CDKAL1: variants seen among roughly 807,000 people sequenced by gnomAD.
The protein encoded by CDKAL1 is CDKAL1 threonylcarbamoyladenosine tRNA methylthiotransferase, also known as threonylcarbamoyladenosine tRNA methylthiotransferase.
CDKAL1 carries 32 observed loss-of-function variants against 68.2 expected under a neutral mutation model. The ratio of observed to expected loss-of-function variants is 0.47; its 90% CI spans 0.35 to 0.63. The LOEUF is 0.63. Among genes scored for constraint, CDKAL1 ranks in the 30% least tolerant of loss-of-function variants. The pLI is 0.00. For missense variants in CDKAL1, 606 were observed against 696.7 expected, an observed-to-expected ratio of 0.87 and a Z score of 1.47; for synonymous variants, 234 against 244.3, an observed-to-expected ratio of 0.96 and a Z score of 0.39.
intron 4 of CDKAL1, among the ~76,000 whole-genome samples, chr6:20,611,994 C>T (rs776597342): frequency 3.9e-5 from 6 of 152,212 alleles, no homozygotes; most frequent in Non-Finnish European, 5.9e-5. Context: ...TGAGTGACAA[C>T]ATGCAAAATT....
At chr6:20,952,494 C>T (rs1303614208) in intron 9 of CDKAL1, among the ~76,000 whole-genome samples, 1 of 152,124 alleles carries the variant, frequency 6.6e-6, no homozygotes, top group Non-Finnish European at 1.5e-5. Flanking sequence ...CTTGCCAGCT[C>T]TTAGCTAATA....
At chr6:21,203,380 G>C (rs1027870478) in intron 15 of CDKAL1, among the ~76,000 whole-genome samples, 4 of 151,412 alleles carry the variant, frequency 2.6e-5, no homozygotes, top group Non-Finnish European at 5.9e-5. Flanking sequence ...GGAATTACAG[G>C]CATGTGCCAC....
rs150114884 is a variant in CDKAL1 at position 20,783,769 on chromosome 6, G to C, written c.638+2504G>C. Among the ~76,000 whole-genome samples, 743 of 152,272 alleles carry C rather than the reference G, an allele frequency of 4.9e-3. 28 individuals carry two copies. The highest frequency in any genetic ancestry group is 0.04 in the Admixed American group (612 of 15,300). ...CCACTACAATGTAAGCTCCTTGGGGGCTGAATGTGTTTCAGTTGTCATTAC... is the reference window on the plus strand; with the variant it reads ...CCACTACAATGTAAGCTCCTTGGGGCCTGAATGTGTTTCAGTTGTCATTAC... On this transcript the variant is annotated intron_variant, in intron 8 of 15. Coordinates refer to ENST00000274695, the MANE Select transcript of CDKAL1 (RefSeq NM_017774.3).
At position 20,821,155 on chromosome 6, in the gene CDKAL1, G is replaced by T. The variant is rs542867266; in HGVS notation, c.639-24920G>T. Among the ~76,000 whole-genome samples the T allele has an allele frequency of 5.6e-4, 86 of 152,236 alleles. 1 individual carries two copies. The South Asian group carries it at 0.017, about 29-fold the overall frequency. On this transcript the variant is annotated intron_variant, in intron 8 of 15. Transcript: ENST00000274695. ...GAGACTGGGAGGCAATCAGGAACCA[G>T]AGCAGACTTTGCATTTTATTCATCA...
chr6:21,054,913 A>T (rs1392090797), intron 11 of CDKAL1, among the ~76,000 whole-genome samples: 1 of 152,006 alleles, frequency 6.6e-6, no homozygotes, highest in Non-Finnish European at 1.5e-5. Flanking sequence ...AAAAAAAAAA[A>T]ATTCTGTCTT....
At chr6:20,895,871 A>G (rs547269688) in intron 9 of CDKAL1, among the ~76,000 whole-genome samples, 3 of 151,992 alleles carry the variant, frequency 2.0e-5, no homozygotes, top group African/African-American at 7.2e-5. Context: ...TTGTCCCTCA[A>G]CTTTCTTTAT....
At chr6:20,604,612 C>T (rs1766255154) in intron 4 of CDKAL1, among the ~76,000 whole-genome samples, 1 of 152,194 alleles carries the variant, frequency 6.6e-6, no homozygotes, top group Non-Finnish European at 1.5e-5. Flanking sequence ...GAAGGTGCGG[C>T]TATGGGCTCG....
intron 5 of CDKAL1, among the ~76,000 whole-genome samples, chr6:20,656,045 A>T (rs1016998614): frequency 3.3e-5 from 5 of 152,098 alleles, no homozygotes; most frequent in Admixed American, 6.6e-5. Flanking sequence ...TTCCATTTGT[A>T]TTCCTGTTTT....
At chr6:20,935,248 C>G (rs925718850) in intron 9 of CDKAL1, among the ~76,000 whole-genome samples, 23 of 151,972 alleles carry the variant, frequency 1.5e-4, no homozygotes, top group African/African-American at 5.6e-4. Flanking sequence ...TTGCTAATGA[C>G]TTTTAATAGC....
chr6:21,114,171 C>T (rs1335756882), intron 13 of CDKAL1, among the ~76,000 whole-genome samples: 1 of 148,370 alleles, frequency 6.7e-6, no homozygotes, highest in Non-Finnish European at 1.5e-5. Flanking sequence ...TGGCGTGAAC[C>T]TGGGAGGCGG....
intron 13 of CDKAL1, among the ~76,000 whole-genome samples, chr6:21,120,221 G>A (rs751818423): frequency 9.2e-5 from 14 of 152,212 alleles, no homozygotes; most frequent in South Asian, 2.1e-4. Context: ...CCGTCTCCCC[G>A]AAGACCTTGA....
chr6:20,796,750 C>T (rs922343151), intron 8 of CDKAL1, among the ~76,000 whole-genome samples: 2 of 152,118 alleles, frequency 1.3e-5, no homozygotes, highest in East Asian at 3.9e-4. Context: ...GCAGTGTTTT[C>T]ATCAAATTGT....
chr6:20,776,581 C>T (rs1225628500), intron 7 of CDKAL1, among the ~76,000 whole-genome samples: 1 of 152,094 alleles, frequency 6.6e-6, no homozygotes, highest in Non-Finnish European at 1.5e-5. Context: ...AATCTTAGAG[C>T]TGTACGAATT....
intron 13 of CDKAL1, among the ~76,000 whole-genome samples, chr6:21,142,496 A>T (rs75313920): frequency 0.012 from 1,871 of 152,232 alleles, 18 homozygotes; most frequent in Non-Finnish European, 0.018. Flanking sequence ...TCTGATGATG[A>T]TGAGCTCAAG....
intron 4 of CDKAL1, chr6:20,599,336 A>G (rs1401725983): frequency 4.4e-6 from 2 of 452,556 alleles, no homozygotes; most frequent in African/African-American, 4.0e-5. Flanking sequence ...TATACTTGGA[A>G]ATAAAATAAT....
intron 9 of CDKAL1, among the ~76,000 whole-genome samples, chr6:20,945,423 A>G (rs1057473940): frequency 4.6e-5 from 7 of 152,210 alleles, no homozygotes; most frequent in Non-Finnish European, 7.3e-5. Flanking sequence ...CTGTAGTTCA[A>G]AAGAATAAAG....
intron 9 of CDKAL1, among the ~76,000 whole-genome samples, chr6:20,941,149 A>C (rs1763956273): frequency 1.6e-5 from 1 of 63,944 alleles, no homozygotes; most frequent in Non-Finnish European, 3.9e-5. Context: ...TCAAGTGCTC[A>C]TCAGCCACAT....
chr6:21,173,496 A>AG (rs778742682), intron 13 of CDKAL1, among the ~76,000 whole-genome samples: 6 of 152,212 alleles, frequency 3.9e-5, no homozygotes, highest in Non-Finnish European at 7.3e-5. Flanking sequence ...TGACCATTAT[A>AG]GGGAGAAATG....
At position 20,808,032 on chromosome 6, in the gene CDKAL1, A is replaced by G. The variant is rs149781755; in HGVS notation, c.638+26767A>G. Reference sequence around the variant, plus strand: ...TACCTTCCAAGTGATGAATTTGCTCAGTTAAAATCACGTTTGTTGATTGCT... The same window carrying G: ...TACCTTCCAAGTGATGAATTTGCTCGGTTAAAATCACGTTTGTTGATTGCT... On this transcript the variant is annotated intron_variant, in intron 8 of 15. Coordinates refer to ENST00000274695, the MANE Select transcript of CDKAL1 (RefSeq NM_017774.3). Among the ~76,000 whole-genome samples the G allele has an allele frequency of 1.0e-3, 155 of 152,340 alleles. 3 individuals are homozygous for G. In the East Asian group the frequency reaches 0.027, roughly 27 times the overall value.
Sources: allele counts gnomAD v4.1 joint callset (sites outside exome capture counted in the v4.1 genomes callset), GRCh38; gene constraint gnomAD v4.1.1; transcripts MANE v1.5; gene names NCBI Gene and HGNC (gene_info 2026-07-23, HGNC 2026-07-21).